PPP1CA: variants seen among roughly 807,000 people sequenced by gnomAD.
The protein encoded by PPP1CA is serine/threonine-protein phosphatase PP1-alpha catalytic subunit.
PPP1CA carries 14 observed loss-of-function variants against 38.5 expected under a neutral mutation model. That is an observed-to-expected ratio of 0.36 (90% CI 0.24 to 0.57). PPP1CA has a LOEUF of 0.57. PPP1CA is among the 20% of genes least tolerant of loss of function. The probability of loss-of-function intolerance (pLI) is 0.80; values close to 1 mark genes in which losing one functional copy is unlikely to be tolerated. For synonymous variants in PPP1CA, 200 were observed against 177.3 expected, an observed-to-expected ratio of 1.13 and a Z score of -1.02; for missense variants, 277 against 435.2, an observed-to-expected ratio of 0.64 and a Z score of 3.23.
chr11:67,399,465 T>C, intron 4 of PPP1CA, 96 bp downstream of exon 4: 1 of 1,131,808 alleles, frequency 8.8e-7, no homozygotes, highest in East Asian at 2.5e-5. Flanking sequence ...GGACACTTCC[T>C]GGAAGGAGTG....
chr11:67,399,341 C>G (rs1862828438), intron 4 of PPP1CA, among the ~76,000 whole-genome samples, 178 bp from the exon 5 acceptor site: 2 of 152,188 alleles, frequency 1.3e-5, no homozygotes, highest in African/African-American at 4.8e-5. Flanking sequence ...CAAACAGGCA[C>G]AAAGGCATCC....
At position 67,399,606 on chromosome 11, in the gene PPP1CA, G is replaced by A. The variant is rs935023103; in HGVS notation, c.478C>T (p.Pro160Ser). 3 of 1,614,004 alleles carry A rather than the reference G, an allele frequency of 1.9e-6. No homozygotes were observed. Among genetic ancestry groups the A allele is most frequent in the Non-Finnish European group, 2.5e-6 (3 of 1,180,002 alleles). Residue 160 changes from proline (P) to serine (S), a missense_variant, in exon 4 of 7, where the codon CCC (proline) becomes TCC (serine). Transcript: ENST00000376745. ...KTFTDCFNCL[P>S]IAAIVDEKIF... ...TTTTCGTCCACTATGGCCGCGATGG[G>A]CAGGCAGTTGAAGCAGTCAGTGAAG...
rs1862899306 is a variant in PPP1CA at position 67,401,808 on chromosome 11, AGCTCCTGGCCC to A, written c.-37_-27del. ...GGCGGCGCCGCCGCTCCAGCCCAGC[AGCTCCTGGCCC>A]GCTCCTGCCTCCCGCCCTCCGGCAG... is the stretch of plus-strand genomic sequence containing the variant. On this transcript the variant is annotated 5_prime_UTR_variant, in exon 1 of 7. Transcript: ENST00000376745. The A allele has an allele frequency of 6.9e-7, 1 of 1,453,688 alleles. No individual in the cohort carries two copies. Among genetic ancestry groups the A allele is most frequent in the Non-Finnish European group, 9.1e-7 (1 of 1,092,960 alleles). 90.0% of individuals were successfully genotyped at this position (1,453,688 alleles called of 1,614,324 possible).
In PPP1CA at chr11:67,399,285, T is replaced by A. The variant is rs1367120404; in HGVS notation, c.524-122A>T. The A allele has an allele frequency of 9.6e-6, 9 of 940,220 alleles. No individual in the cohort carries two copies. The East Asian group carries it at 2.4e-4, about 25-fold the overall frequency. 58.2% of individuals were successfully genotyped at this position (940,220 alleles called of 1,614,324 possible). On this transcript the variant is annotated intron_variant, in intron 4 of 6. Coordinates refer to ENST00000376745, the MANE Select transcript of PPP1CA (RefSeq NM_002708.4). ...TCCCGCCACTGGTCTCCTGGGCGCC[T>A]AGACAGGCAGAAGTCATCCCCTTCC...
At position 67,400,828 on chromosome 11, in the gene PPP1CA, A is replaced by G. The variant is rs775629163; in HGVS notation, c.279T>C (p.Tyr93=). The change falls in exon 3 of 7, where the codon TAT becomes TAC. Residue 93 remains tyrosine (Y), a synonymous_variant. Transcript: ENST00000376745. The part of the protein sequence containing the change: ...PESNYLFLGD[Y]VDRGKQSLET... Reference sequence around the variant, plus strand: ...CCAAGGACTGCTTGCCCCTGTCCACATAGTCCCCCAGAAAGAGGTAGTTGC... The same window carrying G: ...CCAAGGACTGCTTGCCCCTGTCCACGTAGTCCCCCAGAAAGAGGTAGTTGC... The G allele has an allele frequency of 6.2e-7, 1 of 1,614,116 alleles. No homozygotes were observed. Among genetic ancestry groups the G allele is most frequent in the East Asian group, 2.2e-5 (1 of 44,886 alleles).
At position 67,401,214 on chromosome 11, in the gene PPP1CA, G is replaced by A; in HGVS notation, c.56-15C>T. The A allele has an allele frequency of 6.2e-7, 1 of 1,613,506 alleles. No homozygotes were observed. Among genetic ancestry groups the A allele is most frequent in the South Asian group, 1.1e-5 (1 of 91,086 alleles). ...CGAGCCCTGCACTGGGGCGCAATGG[G>A]GTGTCAGGACCCTGGACCCTGACAG... On this transcript the variant is annotated splice_polypyrimidine_tract_variant and intron_variant, in intron 1 of 6. Transcript: ENST00000376745.
rs761148741 is a variant in PPP1CA, at chr11:67,401,156, G to A, written c.99C>T (p.Asn33=). The change falls in exon 2 of 7, where the codon AAC becomes AAT. Residue 33 remains asparagine (N), a synonymous_variant. Transcript: ENST00000376745. ...RPGKNVQLTE[N]EIRGLCLKSR... ...ATTTCAGGCACAGACCGCGGATCTC[G>A]TTCTCTGTCAGCTGTACATTCTTGC... is the stretch of plus-strand genomic sequence containing the variant. 4.3e-6 allele frequency: 7 copies of A among 1,613,984 alleles called. No individual in the cohort carries two copies. In the South Asian group the frequency reaches 6.6e-5, roughly 15 times the overall value.
In PPP1CA at chr11:67,401,756, C is replaced by T; in HGVS notation, c.27G>A (p.Leu9=). 6.8e-7 allele frequency: 1 copy of T among 1,480,474 alleles called. No homozygotes were observed. Among genetic ancestry groups the T allele is most frequent in the East Asian group, 2.9e-5 (1 of 35,000 alleles). The allele number at this position is 1,480,474 out of a possible 1,614,324, so 91.7% of individuals were successfully genotyped here. A position where few individuals can be genotyped will look rare whatever the true frequency, so the allele number is the denominator to read the frequency against. The part of the protein sequence containing the change: MSDSEKLN[L]DSIIGRLLEV... ...CCAGCAGGCGCCCGATGATCGAGTC[C>T]AGGTTGAGCTTCTCGCTGTCGGACA... Residue 9 remains leucine (L), a synonymous_variant, in exon 1 of 7, where the codon CTG becomes CTA. Transcript: ENST00000376745.
chr11:67,401,437 C>T (rs1862886910), intron 1 of PPP1CA: 5 of 696,724 alleles, frequency 7.2e-6, no homozygotes, highest in South Asian at 2.0e-5. Context: ...CACCAAAAAC[C>T]TCACAGCGCA....
At chr11:67,398,886 A>T in intron 5 of PPP1CA, 30 bp from the exon 6 acceptor site, 1 of 1,611,790 alleles carries the variant, frequency 6.2e-7, no homozygotes, top group Non-Finnish European at 8.5e-7. Flanking sequence ...GTCAGTCCCG[A>T]GCGCAGGCAC....
rs200309804 is a variant in PPP1CA, at chr11:67,398,568, G to A, written c.960C>T (p.Thr320=). Residue 320 remains threonine (T), a synonymous_variant, in exon 7 of 7, where the codon ACC becomes ACT. Coordinates refer to ENST00000376745, the MANE Select transcript of PPP1CA (RefSeq NM_002708.4). The part of the protein sequence containing the change: ...SGLNPGGRPI[T]PPRNSAKAKK ...TGGCTTTGGCGGAATTGCGGGGTGG[G>A]GTGATGGGTCGGCCTCCAGGGTTCA... The A allele has an allele frequency of 3.8e-5, 62 of 1,614,092 alleles. No homozygotes were observed. Among genetic ancestry groups the A allele is most frequent in the Non-Finnish European group, 4.6e-5 (54 of 1,179,996 alleles).
At chr11:67,401,369 G>C in intron 1 of PPP1CA, 170 bp from the exon 2 acceptor site, 1 of 1,170,664 alleles carries the variant, frequency 8.5e-7, no homozygotes, top group African/African-American at 1.5e-5. Flanking sequence ...GCCTCCCAGG[G>C]GAAGCCCCCA....
At position 67,398,867 on chromosome 11, in the gene PPP1CA, A is replaced by G. The variant is rs374381778; in HGVS notation, c.748-11T>C. The G allele has an allele frequency of 6.2e-7, 1 of 1,612,448 alleles. No homozygotes were observed. Among genetic ancestry groups the G allele is most frequent in the Non-Finnish European group, 8.5e-7 (1 of 1,179,988 alleles). On this transcript the variant is annotated splice_polypyrimidine_tract_variant and intron_variant, in intron 5 of 6. Transcript: ENST00000376745. ...GCCGTCTTCTACCACCTGGGCGAGG[A>G]TGGGAGCAGTCAGTCCCGAGCGCAG...
rs146339793 is a variant in PPP1CA at position 67,399,012 on chromosome 11, A to G, written c.675T>C (p.Phe225=). 3 of 1,613,384 alleles carry G rather than the reference A, an allele frequency of 1.9e-6. No individual in the cohort carries two copies. The African/African-American group carries it at 4.0e-5, about 22-fold the overall frequency. ...TGGCCACCACCTCGGCTCCAAAGGT[A>G]AAAGAGACGCCACGGTCGTTCTCGC... The part of the protein sequence containing the change: ...GWGENDRGVS[F]TFGAEVVAKF... The change falls in exon 5 of 7, where the codon TTT becomes TTC. Residue 225 remains phenylalanine, a synonymous_variant. Transcript: ENST00000376745.
intron 3 of PPP1CA, 102 bp downstream of exon 3, chr11:67,400,587 C>G: frequency 8.5e-7 from 1 of 1,182,486 alleles, no homozygotes; most frequent in Admixed American, 1.8e-5. Context: ...AGCGCACAGT[C>G]TATCAAGTGT....
intron 3 of PPP1CA, 81 bp downstream of exon 3, chr11:67,400,608 T>C (rs1420485501): frequency 1.5e-5 from 21 of 1,359,162 alleles, no homozygotes; most frequent in Non-Finnish European, 2.0e-5. Flanking sequence ...CTGTCAGATA[T>C]CAGGCCAATG....
At chr11:67,401,042 C>T in intron 2 of PPP1CA, 26 bp downstream of exon 2, 1 of 1,612,814 alleles carries the variant, frequency 6.2e-7, no homozygotes, top group Non-Finnish European at 8.5e-7. Flanking sequence ...TTTAGGAAGG[C>T]AAGGGGACCT....
At position 67,399,029 on chromosome 11, in the gene PPP1CA, C is replaced by T; in HGVS notation, c.658G>A (p.Asp220Asn). The T allele has an allele frequency of 1.2e-6, 2 of 1,613,504 alleles. No individual in the cohort carries two copies. Among genetic ancestry groups the T allele is most frequent in the Non-Finnish European group, 8.5e-7 (1 of 1,180,010 alleles). ...DKDVQGWGEN[D>N]RGVSFTFGAE... ...CCAAAGGTAAAAGAGACGCCACGGT[C>T]GTTCTCGCCCCAGCCCTGCACGTCC... Residue 220 changes from aspartate (D) to asparagine (N), a missense_variant, in exon 5 of 7, where the codon GAC becomes AAC. Physicochemically the swap from Asp to Asn is conservative, Grantham distance 23. Transcript: ENST00000376745.
rs1457838162 is a variant in PPP1CA at position 67,400,762 on chromosome 11, G to C, written c.345C>G (p.Pro115=). 6.2e-7 allele frequency: 1 copy of C among 1,614,100 alleles called. No homozygotes were observed. The highest frequency in any genetic ancestry group is 8.5e-7 in the Non-Finnish European group (1 of 1,180,036). Residue 115 remains proline, a synonymous_variant, in exon 3 of 7, where the codon CCC becomes CCG. Coordinates refer to ENST00000376745, the MANE Select transcript of PPP1CA (RefSeq NM_002708.4). ...CLLLAYKIKY[P]ENFFLLRGNH... is the part of the protein sequence containing the mutation. ...TCCCACGGAGCAGGAAGAAGTTCTCGGGGTACTTGATCTTATAGGCCAGCA... is the reference window on the plus strand; with the variant it reads ...TCCCACGGAGCAGGAAGAAGTTCTCCGGGTACTTGATCTTATAGGCCAGCA...
Sources: allele counts gnomAD v4.1 joint callset (sites outside exome capture counted in the v4.1 genomes callset), GRCh38; gene constraint gnomAD v4.1.1; transcripts MANE v1.5; gene names NCBI Gene and HGNC (gene_info 2026-07-23, HGNC 2026-07-21).